CIBAR1: variants seen among roughly 807,000 people sequenced by gnomAD.
The protein encoded by CIBAR1 is CBY1 interacting BAR domain containing 1.
CIBAR1 carries 25 observed loss-of-function variants against 44.0 expected under a neutral mutation model. The observed-to-expected ratio is 0.57, with a 90% CI of 0.41 to 0.79. The LOEUF (loss-of-function observed/expected upper bound fraction) is 0.79. Ranked by LOEUF, CIBAR1 falls within the 30% of genes least tolerant of loss-of-function variation. CIBAR1 has a pLI of 0.00. For missense variants in CIBAR1, 278 were observed against 344.8 expected, an observed-to-expected ratio of 0.81 and a Z score of 1.53; for synonymous variants, 115 against 119.0, an observed-to-expected ratio of 0.97 and a Z score of 0.22.
chr8:93,709,393 GA>G (rs748653524), intron 5 of CIBAR1, among the ~76,000 whole-genome samples: 34 of 152,208 alleles, frequency 2.2e-4, no homozygotes, highest in South Asian at 1.0e-3. Context: ...AGAGACAAAA[GA>G]AAAATAATTT....
At chr8:93,706,943 A>T (rs1392496449) in intron 4 of CIBAR1, among the ~76,000 whole-genome samples, 1 of 152,214 alleles carries the variant, frequency 6.6e-6, no homozygotes, top group East Asian at 1.9e-4. Flanking sequence ...TGTAAGATAA[A>T]ATGGAGTCCC....
chr8:93,703,646 T>C lies in CIBAR1; in HGVS notation c.288T>C (p.Val96=). Residue 96 remains valine (V), a synonymous_variant, in exon 3 of 9, where the codon GTT becomes GTC. Coordinates refer to ENST00000518322, the MANE Select transcript of CIBAR1 (RefSeq NM_145269.5). ...TTGAAAGACTTGAAGCCAAAGTAGTTGAACCCTTGAAAACTTATGGGACCA... is the reference window on the plus strand; with the variant it reads ...TTGAAAGACTTGAAGCCAAAGTAGTCGAACCCTTGAAAACTTATGGGACCA... The part of the protein sequence containing the change: ...AEVERLEAKV[V]EPLKTYGTIV... 1 of 1,551,504 alleles carries C rather than the reference T, an allele frequency of 6.4e-7. No homozygotes were observed. Among genetic ancestry groups the C allele is most frequent in the Non-Finnish European group, 8.7e-7 (1 of 1,147,180 alleles).
chr8:93,724,989 T>C (rs1811419783), intron 7 of CIBAR1, among the ~76,000 whole-genome samples: 1 of 152,128 alleles, frequency 6.6e-6, no homozygotes, highest in South Asian at 2.1e-4. Context: ...AGAGAAACTT[T>C]TTTTTTGAGA....
At chr8:93,710,812 G>A (rs1471601921) in intron 6 of CIBAR1, among the ~76,000 whole-genome samples, 1 of 150,406 alleles carries the variant, frequency 6.6e-6, no homozygotes, top group East Asian at 1.9e-4. Context: ...ACTCCAGCCT[G>A]GGTGACAGAG....
chr8:93,701,050 A>G lies in CIBAR1; in HGVS notation c.27-174A>G, dbSNP rs569991803. ...CTTTTCCTGTGCCTACACAGTCCGG[A>G]TAGTGAGGTCAGGACCCCATGGAGA... On this transcript the variant is annotated intron_variant, in intron 1 of 8. Coordinates refer to ENST00000518322, the MANE Select transcript of CIBAR1 (RefSeq NM_145269.5). 5 of 1,453,508 alleles carry G rather than the reference A, an allele frequency of 3.4e-6. No homozygotes were observed. In the African/African-American group the frequency reaches 7.1e-5, roughly 21 times the overall value. The allele number at this position is 1,453,508 out of a possible 1,614,324, so 90.0% of individuals were successfully genotyped here.
At chr8:93,709,677 C>G (rs1810742476) in intron 5 of CIBAR1, 94 bp from the exon 6 acceptor site, 1 of 932,028 alleles carries the variant, frequency 1.1e-6, no homozygotes, top group African/African-American at 1.6e-5. Flanking sequence ...TGCCAAAAAG[C>G]CAGTACTGCA....
Position 93,704,951 on chromosome 8 carries a change from A to G in CIBAR1, c.373A>G (p.Lys125Glu). 6.2e-7 allele frequency: 1 copy of G among 1,611,708 alleles called. No individual in the cohort carries two copies. The highest frequency in any genetic ancestry group is 8.5e-7 in the Non-Finnish European group (1 of 1,179,052). The change falls in exon 4 of 9, where the codon AAG becomes GAG. Residue 125 changes from lysine (K) to glutamate (E), a missense_variant. Physicochemically the swap from Lys to Glu is moderately conservative, Grantham distance 56. Coordinates refer to ENST00000518322, the MANE Select transcript of CIBAR1 (RefSeq NM_145269.5). ...ATLTARNREA[K>E]QLTQLERTRQ... ...ACTCACAGCAAGGAATCGAGAAGCTAAGCAATTAACTCAGTTAGAAAGAAC... is the reference window on the plus strand; with the variant it reads ...ACTCACAGCAAGGAATCGAGAAGCTGAGCAATTAACTCAGTTAGAAAGAAC...
At chr8:93,727,201 G>A (rs1388242714) in intron 8 of CIBAR1, 22 of 1,285,796 alleles carry the variant, frequency 1.7e-5, no homozygotes, top group Non-Finnish European at 2.1e-5. Context: ...CTAGCCTTCA[G>A]AATATAAAAT....
At chr8:93,717,676 C>T (rs1253492115) in intron 6 of CIBAR1, among the ~76,000 whole-genome samples, 1 of 152,164 alleles carries the variant, frequency 6.6e-6, no homozygotes, top group Non-Finnish European at 1.5e-5. Flanking sequence ...TCTGGGTTAT[C>T]TTAGGAGAGC....
intron 2 of CIBAR1, 53 bp downstream of exon 2, chr8:93,701,511 A>G: frequency 6.7e-7 from 1 of 1,487,332 alleles, no homozygotes; most frequent in African/African-American, 1.4e-5. Context: ...GAAGTAGTGG[A>G]TGAAGGAACC....
chr8:93,720,191 C>G (rs1323637635), intron 7 of CIBAR1: 1 of 152,140 alleles, frequency 6.6e-6, no homozygotes, highest in South Asian at 2.1e-4. Context: ...ACCATGTTGG[C>G]CAGGCTGCTC....
At chr8:93,700,823 C>A in intron 1 of CIBAR1, 150 bp downstream of exon 1, 1 of 1,324,804 alleles carries the variant, frequency 7.5e-7, no homozygotes, top group Non-Finnish European at 9.6e-7. Context: ...GGCCTAATTC[C>A]TTGGGCTGCA....
At chr8:93,727,309 A>G in intron 8 of CIBAR1, 1 of 757,650 alleles carries the variant, frequency 1.3e-6, no homozygotes, top group Admixed American at 3.3e-5. Context: ...TTTGTTTTAT[A>G]TGTATGTATC....
chr8:93,713,027 T>TTC (rs1416282654), intron 6 of CIBAR1, among the ~76,000 whole-genome samples: 1 of 48,894 alleles, frequency 2.0e-5, no homozygotes, highest in Non-Finnish European at 3.7e-5. Context: ...TTTTCTCCTT[T>TTC]TTTTTCTTTT....
chr8:93,702,314 TAAAC>T (rs1015724049), intron 2 of CIBAR1: 4 of 402,322 alleles, frequency 9.9e-6, no homozygotes, highest in South Asian at 1.8e-5. Flanking sequence ...ACTTCTGTAA[TAAAC>T]AAGTAACTCT....
At chr8:93,709,678 C>T in intron 5 of CIBAR1, 93 bp from the exon 6 acceptor site, 1 of 944,458 alleles carries the variant, frequency 1.1e-6, no homozygotes, top group East Asian at 2.6e-5. Context: ...GCCAAAAAGC[C>T]AGTACTGCAA....
At position 93,729,053 on chromosome 8, in the gene CIBAR1, A is replaced by T. The variant is rs2130408338; in HGVS notation, c.*756A>T. The T allele has an allele frequency of 6.6e-6, 1 of 152,270 alleles. No homozygotes were observed. The highest frequency in any genetic ancestry group is 1.9e-4 in the East Asian group (1 of 5,188). 9.4% of individuals were successfully genotyped at this position (152,270 alleles called of 1,614,324 possible). A position where few individuals can be genotyped will look rare whatever the true frequency, so the allele number is the denominator to read the frequency against. ...GCTACCATATAGTTAATAAAAGGGTATACAGTCACTTTTATTTCTGAAAAT... is the reference window on the plus strand; with the variant it reads ...GCTACCATATAGTTAATAAAAGGGTTTACAGTCACTTTTATTTCTGAAAAT... On this transcript the variant is annotated 3_prime_UTR_variant, in exon 9 of 9. Coordinates refer to ENST00000518322, the MANE Select transcript of CIBAR1 (RefSeq NM_145269.5).
chr8:93,702,337 T>C (rs1178319861), intron 2 of CIBAR1: 1 of 395,784 alleles, frequency 2.5e-6, no homozygotes, highest in African/African-American at 2.1e-5. Flanking sequence ...CTCAATTATA[T>C]ATGATAACTG....
intron 5 of CIBAR1, among the ~76,000 whole-genome samples, chr8:93,708,776 A>G (rs1453649136): frequency 6.6e-6 from 1 of 152,206 alleles, no homozygotes; most frequent in East Asian, 1.9e-4. Context: ...TTGGAGAACA[A>G]GTAGAAGTAA....
Sources: gnomAD v4.1 joint callset for allele counts (sites outside exome capture counted in the v4.1 genomes callset) on GRCh38, gnomAD v4.1.1 for gene constraint, MANE v1.5 for transcripts, NCBI Gene and HGNC (gene_info 2026-07-23, HGNC 2026-07-21) for gene names.